The following SLC30A7 variants were observed in gnomAD, a reference collection of about 807,000 sequenced individuals.
The protein encoded by SLC30A7 is zinc transporter 7.
Under a neutral mutation model 46.0 loss-of-function variants are expected in SLC30A7, and 35 were observed. The ratio of observed to expected loss-of-function variants is 0.76; its 90% confidence interval spans 0.58 to 1.01. SLC30A7 has a LOEUF of 1.01. SLC30A7 is among the 50% of genes least tolerant of loss of function. SLC30A7 has a pLI of 0.00. For synonymous variants in SLC30A7, 147 were observed against 157.8 expected, an observed-to-expected ratio of 0.93 and a Z score of 0.51; for missense variants, 464 against 451.1, an observed-to-expected ratio of 1.03 and a Z score of -0.26.
intron 2 of SLC30A7, among the ~76,000 whole-genome samples, chr1:100,904,225 G>T (rs1651495344): frequency 1.3e-5 from 2 of 152,308 alleles, no homozygotes; most frequent in South Asian, 4.1e-4. Flanking sequence ...CTGAACTGAT[G>T]ATTGCTTTCA....
chr1:100,942,422 G>A (rs906020695), intron 8 of SLC30A7, among the ~76,000 whole-genome samples: 1 of 152,084 alleles, frequency 6.6e-6, no homozygotes, highest in Non-Finnish European at 1.5e-5. Flanking sequence ...AACACAAATG[G>A]CCATCTCTAT....
At chr1:100,984,767 A>G (rs1019260218), downstream of SLC30A7, among the ~76,000 whole-genome samples, 1 of 152,232 alleles carries the variant, frequency 6.6e-6, no homozygotes, top group Non-Finnish European at 1.5e-5. Flanking sequence ...ATTACTTGAT[A>G]AAGTGCTGCA....
chr1:100,896,427 G>A, intron 1 of SLC30A7, 85 bp downstream of exon 1: 3 of 1,511,588 alleles, frequency 2.0e-6, no homozygotes, highest in Non-Finnish European at 1.8e-6. Flanking sequence ...GGTCCAGTGA[G>A]GGAGAGTCAA....
At chr1:100,990,538 A>G in the SLC30A7 span, 1 of 1,614,188 alleles carries the variant, frequency 6.2e-7, no homozygotes, top group Non-Finnish European at 8.5e-7. Flanking sequence ...TCCCAAGTCC[A>G]CAGTGCACAT....
In SLC30A7 at chr1:100,976,598, A is replaced by T. The variant is rs956811152; in HGVS notation, c.*1741A>T. On this transcript the variant is annotated 3_prime_UTR_variant, in exon 11 of 11. Coordinates refer to ENST00000357650, the MANE Select transcript of SLC30A7 (RefSeq NM_133496.5). The stretch of plus-strand genomic sequence containing the variant: ...TACAATACATATTCCCTTTTAACTT[A>T]AAAAAATTGTAAATGTGGGAGAAAA... 3.9e-5 allele frequency: 6 copies of T among 152,264 alleles called. No homozygotes were observed. Among genetic ancestry groups the T allele is most frequent in the Non-Finnish European group, 8.8e-5 (6 of 68,042 alleles). The allele number at this position is 152,264 out of a possible 1,614,324, so 9.4% of individuals were successfully genotyped here. A position where few individuals can be genotyped will look rare whatever the true frequency, so the allele number is the denominator to read the frequency against.
At chr1:100,916,649 T>C (rs932239012) in intron 6 of SLC30A7, among the ~76,000 whole-genome samples, 1 of 151,842 alleles carries the variant, frequency 6.6e-6, no homozygotes, top group Non-Finnish European at 1.5e-5. Context: ...GTACAATTAA[T>C]ATTGACTGTA....
downstream of SLC30A7, among the ~76,000 whole-genome samples, chr1:100,983,060 A>C (rs1657040936): frequency 6.6e-6 from 1 of 152,198 alleles, no homozygotes; most frequent in South Asian, 2.1e-4. Context: ...CCCAGTTTCC[A>C]CTTGCAGTCC....
intron 6 of SLC30A7, among the ~76,000 whole-genome samples, chr1:100,915,215 TTCTTTC>T (rs1652439436): frequency 6.9e-6 from 1 of 144,468 alleles, no homozygotes; most frequent in Non-Finnish European, 1.5e-5. Flanking sequence ...CTTTCTTTCT[TTCTTTC>T]TTTCTTTCTT....
At chr1:100,912,373 C>A in intron 5 of SLC30A7, 135 bp downstream of exon 5, 1 of 987,314 alleles carries the variant, frequency 1.0e-6, no homozygotes, top group Non-Finnish European at 1.5e-6. Context: ...TGAACTATCC[C>A]TTTCACTTCT....
At chr1:100,930,182 A>G (rs953205733) in intron 8 of SLC30A7, among the ~76,000 whole-genome samples, 2 of 152,042 alleles carry the variant, frequency 1.3e-5, no homozygotes, top group Non-Finnish European at 2.9e-5. Context: ...TCTGCAACTC[A>G]CCAGTTACCA....
chr1:100,968,660 A>G (rs1393693354), intron 10 of SLC30A7, among the ~76,000 whole-genome samples: 1 of 152,068 alleles, frequency 6.6e-6, no homozygotes, highest in South Asian at 2.1e-4. Flanking sequence ...AGGGACAAAA[A>G]TCCTACTCTA....
At chr1:100,915,193 TTTTCTTTCTTTC>T (rs200989431) in intron 6 of SLC30A7, among the ~76,000 whole-genome samples, 1,134 of 90,786 alleles carry the variant, frequency 0.012, 5 homozygotes, top group Admixed American at 0.022. Flanking sequence ...CTTTTCTTTC[TTTTCTTTCTTTC>T]TTTCTTTCTT....
the SLC30A7 span, among the ~76,000 whole-genome samples, chr1:100,991,309 T>C: frequency 1.3e-5 from 2 of 152,194 alleles, no homozygotes; most frequent in African/African-American, 4.8e-5. Flanking sequence ...AATGGTTGTA[T>C]TGTTTAGTTG....
At chr1:100,908,582 G>A (rs1651848577) in intron 3 of SLC30A7, among the ~76,000 whole-genome samples, 1 of 152,140 alleles carries the variant, frequency 6.6e-6, no homozygotes, top group Non-Finnish European at 1.5e-5. Flanking sequence ...ATAGTATAGA[G>A]CAGTAGATCC....
chr1:100,909,282 A>T (rs1452882005), intron 3 of SLC30A7, among the ~76,000 whole-genome samples: 1 of 152,134 alleles, frequency 6.6e-6, no homozygotes, highest in Non-Finnish European at 1.5e-5. Flanking sequence ...TCTGCAATAG[A>T]AGAAAGAGTT....
intron 6 of SLC30A7, among the ~76,000 whole-genome samples, chr1:100,915,020 G>T (rs568060476): frequency 6.6e-6 from 1 of 151,794 alleles, no homozygotes; most frequent in African/African-American, 2.4e-5. Context: ...TGATGAGTTT[G>T]AGGTAAGTAT....
chr1:100,970,931 C>G (rs1656129724), intron 10 of SLC30A7, among the ~76,000 whole-genome samples: 1 of 152,048 alleles, frequency 6.6e-6, no homozygotes, highest in Non-Finnish European at 1.5e-5. Flanking sequence ...ATCAGTTCCA[C>G]AAAACACAAA....
At chr1:100,954,832 A>C (rs2101075706) in intron 8 of SLC30A7, among the ~76,000 whole-genome samples, 1 of 152,240 alleles carries the variant, frequency 6.6e-6, no homozygotes, top group African/African-American at 2.4e-5. Flanking sequence ...CTGAATATTT[A>C]ATTTAAATGT....
chr1:100,951,763 C>T (rs1374550867), intron 8 of SLC30A7, among the ~76,000 whole-genome samples: 1 of 152,224 alleles, frequency 6.6e-6, no homozygotes, highest in Non-Finnish European at 1.5e-5. Context: ...CCTTACCCAC[C>T]TGGCTAGGGT....
Sources: allele counts gnomAD v4.1 joint callset (sites outside exome capture counted in the v4.1 genomes callset), GRCh38; gene constraint gnomAD v4.1.1; transcripts MANE v1.5; gene names NCBI Gene and HGNC (gene_info 2026-07-23, HGNC 2026-07-21).